BSN: variants seen among roughly 807,000 people sequenced by gnomAD.
BSN encodes the protein bassoon presynaptic cytomatrix protein.
BSN carries 57 observed loss-of-function variants against 264.8 expected under a neutral mutation model. The observed-to-expected ratio is 0.22, with a 90% CI of 0.17 to 0.27. BSN has a LOEUF of 0.27. BSN is among the 10% of genes least tolerant of loss of function. The pLI, the probability that BSN is intolerant of heterozygous loss-of-function variation, is 1.00. For synonymous variants in BSN, 2,059 were observed against 2,137.3 expected, an observed-to-expected ratio of 0.96 and a Z score of 1.01; for missense variants, 4,615 against 5,232.5, an observed-to-expected ratio of 0.88 and a Z score of 3.64.
At chr3:49,571,472 C>T (rs1337901477) in intron 1 of BSN, among the ~76,000 whole-genome samples, 2 of 151,232 alleles carry the variant, frequency 1.3e-5, no homozygotes, top group African/African-American at 2.4e-5. Flanking sequence ...GTTGGGGAGA[C>T]GGGGGTGGGC....
Position 49,664,867 on chromosome 3 carries a change from GCCTGTA to G in BSN, c.*14+18_*14+23del. The stretch of plus-strand genomic sequence containing the variant: ...ATGCCCAGCATGGTGAGTACAAGCA[GCCTGTA>G]CCTTGCCTCTTCTGGGAAAGGCCCG... On this transcript the variant is annotated intron_variant, in intron 10 of 11. Transcript: ENST00000296452. 6.2e-7 allele frequency: 1 copy of G among 1,606,432 alleles called. No individual in the cohort carries two copies.
At chr3:49,649,718 G>A (rs570828529) in intron 3 of BSN, among the ~76,000 whole-genome samples, 2 of 152,352 alleles carry the variant, frequency 1.3e-5, no homozygotes, top group African/African-American at 2.4e-5. Context: ...GTTTGGGGTT[G>A]TGGGCTCCAG....
chr3:49,607,356 TTGGCTCAGTC>T (rs2052162293), intron 1 of BSN, among the ~76,000 whole-genome samples: 1 of 152,226 alleles, frequency 6.6e-6, no homozygotes, highest in Non-Finnish European at 1.5e-5. Flanking sequence ...GGTCCCTCTG[TTGGCTCAGTC>T]TGGCCCAGGC....
intron 1 of BSN, among the ~76,000 whole-genome samples, chr3:49,587,309 G>T (rs2051944236): frequency 6.6e-6 from 1 of 152,088 alleles, no homozygotes; most frequent in Non-Finnish European, 1.5e-5. Context: ...TAGTTTTCTT[G>T]TGGCATCTTC....
rs764934267 is a variant in BSN at position 49,642,986 on chromosome 3, C to G, written c.1352C>G (p.Ala451Gly). The G allele has an allele frequency of 6.2e-7, 1 of 1,613,926 alleles. No homozygotes were observed. Among genetic ancestry groups the G allele is most frequent in the Non-Finnish European group, 8.5e-7 (1 of 1,180,042 alleles). ...GRAEHQAASK[A>G]AAKPKTMPKE... ...GCAGAACATCAGGCAGCATCGAAGG[C>G]TGCTGCCAAGCCAAAGACCATGCCG... Residue 451 changes from alanine to glycine, a missense_variant, in exon 3 of 12, where the codon GCT becomes GGT. Physicochemically the swap from Ala to Gly is moderately conservative, Grantham distance 60. Coordinates refer to ENST00000296452, the MANE Select transcript of BSN (RefSeq NM_003458.4). The surrounding 1 kb of genome is among the most constrained non-coding windows in gnomAD (Gnocchi z 7.0).
rs141249428 is a variant in BSN at position 49,654,672 on chromosome 3, C to A, written c.5116C>A (p.Arg1706=). The change falls in exon 5 of 12, where the codon CGG becomes AGG. Residue 1706 remains arginine (R), a synonymous_variant. Transcript: ENST00000296452. The surrounding 1 kb of genome is among the most constrained non-coding windows in gnomAD (Gnocchi z 4.1). ...TCTTGCCCTGGATCCAATCCCAGGA[C>A]GGCAGTCGACCGCCGTGCAGCCCTT... ...YGLALDPIPG[R]QSTAVQPLVI... is the part of the protein sequence containing the mutation. The A allele has an allele frequency of 7.5e-5, 121 of 1,613,728 alleles. 1 individual carries two copies. Among genetic ancestry groups the A allele is most frequent in the East Asian group, 6.5e-4 (29 of 44,876 alleles).
In BSN at chr3:49,651,857, G is replaced by A. The variant is rs376425758; in HGVS notation, c.2301G>A (p.Thr767=). 8.7e-6 allele frequency: 14 copies of A among 1,613,806 alleles called. No homozygotes were observed. Among genetic ancestry groups the A allele is most frequent in the East Asian group, 4.5e-5 (2 of 44,906 alleles). ...QKQRPHSLSI[T]PEAFDSDEEL... ...AGCGGCCCCACTCCTTGTCCATCAC[G>A]CCTGAGGCCTTTGACTCTGATGAGG... The change falls in exon 5 of 12, where the codon ACG becomes ACA. Residue 767 remains threonine (T), a synonymous_variant. Coordinates refer to ENST00000296452, the MANE Select transcript of BSN (RefSeq NM_003458.4). This position sits in a 1 kb window ranked among gnomAD's most constrained non-coding sequence, Gnocchi z 5.4.
In BSN at chr3:49,655,210, G is replaced by T; in HGVS notation, c.5654G>T (p.Gly1885Val). ...VTTLLPEEPA[G>V]ALDLTGMRPE... ...ACACTGCTCCCAGAGGAGCCTGCGG[G>T]TGCCCTGGACCTTACCGGGATGAGG... The change falls in exon 5 of 12, where the codon GGT becomes GTT. Residue 1885 changes from glycine to valine, a missense_variant. Physicochemically the swap from Gly to Val is moderately radical, Grantham distance 109. Around this residue, in one of 3 missense-constraint regions of BSN, gnomAD observed 3,415 missense variants for 3,866.4 expected, o/e 0.88. Coordinates refer to ENST00000296452, the MANE Select transcript of BSN (RefSeq NM_003458.4). 1 of 1,612,976 alleles carries T rather than the reference G, an allele frequency of 6.2e-7. No homozygotes were observed. The highest frequency in any genetic ancestry group is 8.5e-7 in the Non-Finnish European group (1 of 1,179,902).
intron 1 of BSN, among the ~76,000 whole-genome samples, chr3:49,609,559 T>C (rs1402147536): frequency 6.6e-6 from 1 of 152,110 alleles, no homozygotes; most frequent in Non-Finnish European, 1.5e-5. Flanking sequence ...GGTAGAGTGC[T>C]TTGAAGGCTG....
At chr3:49,587,273 A>G (rs2051944097) in intron 1 of BSN, among the ~76,000 whole-genome samples, 1 of 152,218 alleles carries the variant, frequency 6.6e-6, no homozygotes, top group Non-Finnish European at 1.5e-5. Context: ...TGTATCTTGC[A>G]ACTTTACTGA....
chr3:49,644,180 G>C (rs1201319661), intron 3 of BSN, among the ~76,000 whole-genome samples: 2 of 152,196 alleles, frequency 1.3e-5, no homozygotes, highest in African/African-American at 4.8e-5. Flanking sequence ...CACGTTAGGA[G>C]ATGTTCGAGC....
chr3:49,656,245 C>G lies in BSN; in HGVS notation c.6689C>G (p.Ser2230Cys). 8 of 1,611,722 alleles carry G rather than the reference C, an allele frequency of 5.0e-6. No individual in the cohort carries two copies. Among genetic ancestry groups the G allele is most frequent in the Non-Finnish European group, 5.9e-6 (7 of 1,179,072 alleles). The change falls in exon 5 of 12, where the codon TCT becomes TGT. Residue 2230 changes from serine to cysteine, a missense_variant. By Grantham distance (112) the Ser-to-Cys change is moderately radical. This residue lies in a region of BSN where 3,415 missense variants were observed against 3,866.4 expected (regional missense o/e 0.88). Transcript: ENST00000296452. Reference sequence around the variant, plus strand: ...GGTGGCATGTACAGGCCTTACGCATCTGGTGGAATCACAGCCGTGCCACTC... The same window carrying G: ...GGTGGCATGTACAGGCCTTACGCATGTGGTGGAATCACAGCCGTGCCACTC... Reference protein sequence around the residue: ...VRGGMYRPYASGGITAVPLTS... With the variant: ...VRGGMYRPYACGGITAVPLTS...
rs886651570 is a variant in BSN at position 49,657,037 on chromosome 3, A to T, written c.7481A>T (p.Glu2494Val). The T allele has an allele frequency of 6.2e-7, 1 of 1,610,008 alleles. No homozygotes were observed. Among genetic ancestry groups the T allele is most frequent in the Non-Finnish European group, 8.5e-7 (1 of 1,177,520 alleles). ...PGRGPPLAAA[E>V]LAQNGQYWPP... ...CGAGGGCCTCCCCTAGCGGCTGCTG[A>T]GTTGGCCCAGAATGGCCAGTATTGG... The change falls in exon 5 of 12, where the codon GAG (glutamate) becomes GTG (valine). Residue 2494 changes from glutamate to valine, a missense_variant. Glu to Val is a moderately radical substitution (Grantham distance 121). Transcript: ENST00000296452.
rs151276316 is a variant in BSN, at chr3:49,653,361, C to T, written c.3805C>T (p.Arg1269Cys). 77 of 1,613,004 alleles carry T rather than the reference C, an allele frequency of 4.8e-5. No homozygotes were observed. The highest frequency in any genetic ancestry group is 6.0e-5 in the Non-Finnish European group (71 of 1,179,664). ...EILQTSQSIVRMRQASSRDLA... is the reference protein window; with the variant it reads ...EILQTSQSIVCMRQASSRDLA... ...CCTTCAGACATCACAGAGCATAGTC[C>T]GCATGCGGCAGGCCTCCTCACGAGA... Residue 1269 changes from arginine (R) to cysteine (C), a missense_variant, in exon 5 of 12, where the codon CGC becomes TGC. Around this residue, in one of 3 missense-constraint regions of BSN, gnomAD observed 3,415 missense variants for 3,866.4 expected, o/e 0.88. Transcript: ENST00000296452. The surrounding 1 kb of genome is among the most constrained non-coding windows in gnomAD (Gnocchi z 6.3).
rs765947954 is a variant in BSN, at chr3:49,653,775, G to A, written c.4219G>A (p.Glu1407Lys). 3.7e-6 allele frequency: 6 copies of A among 1,613,996 alleles called. No homozygotes were observed. In the South Asian group the frequency reaches 4.4e-5, roughly 12 times the overall value. Residue 1407 changes from glutamate to lysine, a missense_variant, in exon 5 of 12, where the codon GAG (glutamate) becomes AAG (lysine). By Grantham distance (56) the Glu-to-Lys change is moderately conservative (BLOSUM62 1). Around this residue, in one of 3 missense-constraint regions of BSN, gnomAD observed 3,415 missense variants for 3,866.4 expected, o/e 0.88. Transcript: ENST00000296452. The surrounding 1 kb of genome is among the most constrained non-coding windows in gnomAD (Gnocchi z 6.3). ...GACTCCAGCCTCCCCAGCAGGCTCCGAGCGTAGTCCTTCACCATCTTCCAC... is the reference window on the plus strand; with the variant it reads ...GACTCCAGCCTCCCCAGCAGGCTCCAAGCGTAGTCCTTCACCATCTTCCAC... Reference protein sequence around the residue: ...YMTPASPAGSERSPSPSSTAH... With the variant: ...YMTPASPAGSKRSPSPSSTAH...
Position 49,660,964 on chromosome 3 carries a change from C to T in BSN, c.9119C>T (p.Ala3040Val), listed in dbSNP as rs1422015254. The change falls in exon 6 of 12, where the codon GCT becomes GTT. Residue 3040 changes from alanine (A) to valine (V), a missense_variant. Physicochemically the swap from Ala to Val is moderately conservative, Grantham distance 64 (BLOSUM62 0). This residue lies in a region of BSN where 3,415 missense variants were observed against 3,866.4 expected (regional missense o/e 0.88). Coordinates refer to ENST00000296452, the MANE Select transcript of BSN (RefSeq NM_003458.4). This position sits in a 1 kb window ranked among gnomAD's most constrained non-coding sequence, Gnocchi z 7.1. Reference protein sequence around the residue: ...GQFVDFPATAAAPATPSGPTA... With the variant: ...GQFVDFPATAVAPATPSGPTA... Reference sequence around the variant, plus strand: ...TTTGTGGACTTCCCTGCCACTGCCGCTGCTCCTGCCACCCCCTCTGGTCCC... The same window carrying T: ...TTTGTGGACTTCCCTGCCACTGCCGTTGCTCCTGCCACCCCCTCTGGTCCC... 5 of 1,611,928 alleles carry T rather than the reference C, an allele frequency of 3.1e-6. No individual in the cohort carries two copies. The highest frequency in any genetic ancestry group is 1.7e-5 in the Admixed American group (1 of 60,036).
chr3:49,609,337 A>C (rs1368356547), intron 1 of BSN, among the ~76,000 whole-genome samples: 1 of 151,492 alleles, frequency 6.6e-6, no homozygotes, highest in African/African-American at 2.4e-5. Flanking sequence ...TCCTAGGCAC[A>C]AGCGATCCTC....
rs778264469 is a variant in BSN, at chr3:49,653,587, A to G, written c.4031A>G (p.Gln1344Arg). 1 of 1,613,822 alleles carries G rather than the reference A, an allele frequency of 6.2e-7. No individual in the cohort carries two copies. The highest frequency in any genetic ancestry group is 8.5e-7 in the Non-Finnish European group (1 of 1,179,994). Residue 1344 changes from glutamine to arginine, a missense_variant, in exon 5 of 12, where the codon CAG becomes CGG. Around this residue, in one of 3 missense-constraint regions of BSN, gnomAD observed 3,415 missense variants for 3,866.4 expected, o/e 0.88. Coordinates refer to ENST00000296452, the MANE Select transcript of BSN (RefSeq NM_003458.4). The surrounding 1 kb of genome is among the most constrained non-coding windows in gnomAD (Gnocchi z 6.3). ...GRVIPDVRVT[Q>R]HFAKETQDPL... ...GTTATTCCCGATGTCCGTGTCACTC[A>G]GCATTTTGCAAAGGAGACTCAGGAC...
At chr3:49,565,883 G>A (rs1428813368) in intron 1 of BSN, among the ~76,000 whole-genome samples, 2 of 151,954 alleles carry the variant, frequency 1.3e-5, no homozygotes, top group Middle Eastern at 3.2e-3. Flanking sequence ...GTGCAGCGGC[G>A]CCATCTTGAC....
Sources: gnomAD v4.1 joint callset for allele counts (sites outside exome capture counted in the v4.1 genomes callset) on GRCh38, gnomAD v4.1.1 for gene constraint, gnomAD v4.1.1 regional missense constraint, Gnocchi (gnomAD v3.1) non-coding constraint, MANE v1.5 for transcripts, NCBI Gene and HGNC (gene_info 2026-07-23, HGNC 2026-07-21) for gene names.